ETV6: variants seen among roughly 807,000 people sequenced by gnomAD.
ETV6 encodes the protein transcription factor ETV6.
A neutral mutation model predicts 51.1 loss-of-function variants in ETV6; 16 were observed. That is an observed-to-expected ratio of 0.31 (90% CI 0.21 to 0.48). The LOEUF (loss-of-function observed/expected upper bound fraction) is 0.48, where lower values mean the gene tolerates loss of function less well. ETV6 is among the 20% of genes least tolerant of loss of function. ETV6 has a pLI of 0.99. For synonymous variants in ETV6, 240 were observed against 224.1 expected, an observed-to-expected ratio of 1.07 and a Z score of -0.64; for missense variants, 458 against 594.8, an observed-to-expected ratio of 0.77 and a Z score of 2.39.
intron 2 of ETV6, among the ~76,000 whole-genome samples, chr12:11,829,594 C>G (rs1045927702): frequency 3.9e-5 from 6 of 152,192 alleles, no homozygotes; most frequent in African/African-American, 1.4e-4. Context: ...GCGGCAAGCT[C>G]TGGGTCAGTT....
At chr12:11,825,581 C>T (rs1946141291) in intron 2 of ETV6, 1 of 152,222 alleles carries the variant, frequency 6.6e-6, no homozygotes, top group African/African-American at 2.4e-5. Flanking sequence ...CCTGCATAAT[C>T]TTGAGATCCT....
chr12:11,876,167 T>C (rs974227946), intron 5 of ETV6, among the ~76,000 whole-genome samples: 5 of 152,202 alleles, frequency 3.3e-5, no homozygotes, highest in African/African-American at 9.7e-5. Context: ...GACTGCAGGC[T>C]ATATTTTCAG....
chr12:11,737,324 G>C (rs1865722793), intron 1 of ETV6, among the ~76,000 whole-genome samples: 1 of 152,188 alleles, frequency 6.6e-6, no homozygotes, highest in South Asian at 2.1e-4. Flanking sequence ...CCTGTGTAAG[G>C]CACTGAATTT....
At chr12:11,690,927 AG>A (rs1565487748) in intron 1 of ETV6, among the ~76,000 whole-genome samples, 1 of 129,942 alleles carries the variant, frequency 7.7e-6, no homozygotes, top group Non-Finnish European at 1.7e-5. Flanking sequence ...TAAAATAAAT[AG>A]TGTAATAACC....
chr12:11,869,327 C>G lies in ETV6; in HGVS notation c.464-97C>G, dbSNP rs1946840118. The stretch of plus-strand genomic sequence containing the variant: ...GGGGAGAAAGGTCCTTTACACATAC[C>G]TACACGCTCCTCCATTTACCGCCTG... On this transcript the variant is annotated intron_variant, in intron 4 of 7. Transcript: ENST00000396373. The surrounding 1 kb of genome is among the most constrained non-coding windows in gnomAD (Gnocchi z 5.0). 1 of 1,073,116 alleles carries G rather than the reference C, an allele frequency of 9.3e-7. No individual in the cohort carries two copies. Among genetic ancestry groups the G allele is most frequent in the Non-Finnish European group, 1.4e-6 (1 of 732,450 alleles). The allele number at this position is 1,073,116 out of a possible 1,614,324, so 66.5% of individuals were successfully genotyped here.
intron 3 of ETV6, among the ~76,000 whole-genome samples, chr12:11,845,806 T>C (rs1372985076): frequency 2.6e-5 from 4 of 151,870 alleles, no homozygotes; most frequent in South Asian, 4.2e-4. Context: ...TCCTGGCTAA[T>C]ATGGTGAAAC....
intron 1 of ETV6, among the ~76,000 whole-genome samples, chr12:11,714,582 G>A (rs893530218): frequency 4.1e-5 from 6 of 146,740 alleles, no homozygotes; most frequent in African/African-American, 7.7e-5. Context: ...AACCAAAGAC[G>A]GAAAAAGCAC....
chr12:11,864,863 G>A (rs2136526186), intron 4 of ETV6, among the ~76,000 whole-genome samples: 1 of 152,226 alleles, frequency 6.6e-6, no homozygotes, highest in East Asian at 1.9e-4. Flanking sequence ...ATCAACTCAA[G>A]GCCAATCATG....
In ETV6 at chr12:11,787,786, A is replaced by G. The variant is rs567817221; in HGVS notation, c.163+35207A>G. The stretch of plus-strand genomic sequence containing the variant: ...GCTGCTTTGGGTCAAAGCCAAAAAT[A>G]TTGTGTAGAATATTAGCAGTTTTCT... On this transcript the variant is annotated intron_variant, in intron 2 of 7. Coordinates refer to ENST00000396373, the MANE Select transcript of ETV6 (RefSeq NM_001987.5). Among the ~76,000 whole-genome samples the G allele has an allele frequency of 2.0e-5, 3 of 152,350 alleles. No homozygotes were observed. The South Asian group carries it at 6.2e-4, about 32-fold the overall frequency.
chr12:11,677,336 C>A (rs1864439319), intron 1 of ETV6, among the ~76,000 whole-genome samples: 1 of 152,194 alleles, frequency 6.6e-6, no homozygotes, highest in Admixed American at 6.5e-5. Context: ...TACTGAGAAT[C>A]CAAGTTCTTT....
intron 2 of ETV6, among the ~76,000 whole-genome samples, chr12:11,801,879 A>G (rs1945754655): frequency 6.6e-6 from 1 of 152,214 alleles, no homozygotes; most frequent in Non-Finnish European, 1.5e-5. Context: ...CAGCAGAAGT[A>G]AGATAACATC....
intron 2 of ETV6, among the ~76,000 whole-genome samples, chr12:11,776,579 T>C (rs184137955): frequency 7.9e-5 from 12 of 152,266 alleles, no homozygotes; most frequent in African/African-American, 2.9e-4. Context: ...AATACACATG[T>C]AGCTATGAGG....
intron 1 of ETV6, among the ~76,000 whole-genome samples, chr12:11,662,605 T>C (rs916368382): frequency 1.3e-5 from 2 of 152,342 alleles, no homozygotes; most frequent in South Asian, 2.1e-4. Context: ...TGGATGAGAA[T>C]AGAGTCTTCT....
At chr12:11,812,645 C>T (rs1446313962) in intron 2 of ETV6, among the ~76,000 whole-genome samples, 1 of 152,122 alleles carries the variant, frequency 6.6e-6, no homozygotes, top group Admixed American at 6.5e-5. Flanking sequence ...CCCCCGCCAC[C>T]GCCCTCAGTA....
intron 4 of ETV6, 66 bp downstream of exon 4, chr12:11,853,627 C>G (rs973035929): frequency 1.3e-5 from 20 of 1,563,350 alleles, no homozygotes; most frequent in Non-Finnish European, 1.4e-5. Flanking sequence ...TAATTGTTAA[C>G]TTGATAAGCT....
At chr12:11,846,640 T>G (rs1946469278) in intron 3 of ETV6, among the ~76,000 whole-genome samples, 1 of 152,036 alleles carries the variant, frequency 6.6e-6, no homozygotes, top group African/African-American at 2.4e-5. Flanking sequence ...ATTCTATTTA[T>G]AGTAGTTAAA....
intron 1 of ETV6, among the ~76,000 whole-genome samples, chr12:11,686,881 CT>C (rs933194224): frequency 2.6e-5 from 4 of 151,390 alleles, no homozygotes; most frequent in African/African-American, 9.7e-5. Flanking sequence ...TTGGCAATAC[CT>C]TTTTTTTTCT....
chr12:11,878,890 C>G (rs773845455), intron 5 of ETV6, among the ~76,000 whole-genome samples: 13 of 149,806 alleles, frequency 8.7e-5, no homozygotes, highest in Non-Finnish European at 1.9e-4. Context: ...TTTCTCTAAG[C>G]AGGGTTTCTC....
intron 1 of ETV6, among the ~76,000 whole-genome samples, chr12:11,706,813 C>T (rs1343869180): frequency 6.6e-6 from 1 of 152,234 alleles, no homozygotes; most frequent in Non-Finnish European, 1.5e-5. Context: ...CTTTTGAGTT[C>T]TGTAAATGGA....
Sources: gnomAD v4.1 joint callset for allele counts (sites outside exome capture counted in the v4.1 genomes callset) on GRCh38, gnomAD v4.1.1 for gene constraint, Gnocchi (gnomAD v3.1) non-coding constraint, MANE v1.5 for transcripts, NCBI Gene and HGNC (gene_info 2026-07-23, HGNC 2026-07-21) for gene names.